The following HECW2 variants were observed in gnomAD, a reference collection of about 807,000 sequenced individuals.
HECW2 encodes the protein HECT, C2 and WW domain containing E3 ubiquitin protein ligase 2.
A neutral mutation model predicts 175.2 loss-of-function variants in HECW2; 61 were observed. The ratio of observed to expected loss-of-function variants is 0.35; its 90% confidence interval spans 0.28 to 0.43. The LOEUF (loss-of-function observed/expected upper bound fraction) is 0.43. Among genes scored for constraint, HECW2 ranks in the 20% least tolerant of loss-of-function variants. HECW2 has a pLI of 1.00. For synonymous variants in HECW2, 671 were observed against 731.0 expected, an observed-to-expected ratio of 0.92 and a Z score of 1.32; for missense variants, 1,524 against 2,000.5, an observed-to-expected ratio of 0.76 and a Z score of 4.54.
chr2:196,220,915 C>A lies in HECW2; in HGVS notation c.4173G>T (p.Gly1391=). The change falls in exon 25 of 29, where the codon GGG becomes GGT. Residue 1391 remains glycine, a synonymous_variant. Transcript: ENST00000644978. Reference sequence around the variant, plus strand: ...TCTCTGTAACTGGGATATTGGCACCCCCTGGCTTTAATTCTCGTTCAGTTA... The same window carrying A: ...TCTCTGTAACTGGGATATTGGCACCACCTGGCTTTAATTCTCGTTCAGTTA... ...GQITERELKP[G]GANIPVTEKN... is the part of the protein sequence containing the mutation. 1.2e-6 allele frequency: 2 copies of A among 1,614,058 alleles called. No homozygotes were observed. The highest frequency in any genetic ancestry group is 1.3e-5 in the African/African-American group (1 of 75,032).
At chr2:196,311,117 G>A (rs1191402224) in intron 10 of HECW2, among the ~76,000 whole-genome samples, 1 of 152,186 alleles carries the variant, frequency 6.6e-6, no homozygotes, top group African/African-American at 2.4e-5. Flanking sequence ...CAGCTCCAAT[G>A]TTATTGCTGT....
chr2:196,253,658 T>C (rs1688941590), intron 19 of HECW2, among the ~76,000 whole-genome samples: 2 of 152,246 alleles, frequency 1.3e-5, no homozygotes, highest in South Asian at 2.1e-4. Context: ...TGTCCTGATA[T>C]TGTATGATAT....
intron 1 of HECW2, among the ~76,000 whole-genome samples, chr2:196,568,319 T>C (rs1690252392): frequency 6.6e-6 from 1 of 152,170 alleles, no homozygotes; most frequent in Non-Finnish European, 1.5e-5. Flanking sequence ...GCAGCCAACT[T>C]AAAAACTCAA....
rs1271335050 is a variant in HECW2 at position 196,195,587 on chromosome 2, C to G, written c.*5690G>C. The G allele has an allele frequency of 3.9e-5, 6 of 152,196 alleles. No homozygotes were observed. The highest frequency in any genetic ancestry group is 1.4e-4 in the African/African-American group (6 of 41,434). The allele number at this position is 152,196 out of a possible 1,614,324, so 9.4% of individuals were successfully genotyped here. The stretch of plus-strand genomic sequence containing the variant: ...TTTAGTCTCCATTTGCAACCTCACT[C>G]TTAGGATTTCACTTTCCAGATTAAC... On this transcript the variant is annotated 3_prime_UTR_variant, in exon 29 of 29. Coordinates refer to ENST00000644978, the MANE Select transcript of HECW2 (RefSeq NM_001348768.2).
At chr2:196,498,796 C>A (rs1687481976) in intron 1 of HECW2, among the ~76,000 whole-genome samples, 2 of 152,130 alleles carry the variant, frequency 1.3e-5, no homozygotes, top group Non-Finnish European at 2.9e-5. Context: ...AGTCACATGG[C>A]CGGTGGTCAC....
At chr2:196,309,309 C>G (rs1227519451) in intron 10 of HECW2, among the ~76,000 whole-genome samples, 2 of 152,078 alleles carry the variant, frequency 1.3e-5, no homozygotes, top group Non-Finnish European at 2.9e-5. Context: ...TGACAAATGG[C>G]AAAAGAAAGA....
intron 1 of HECW2, among the ~76,000 whole-genome samples, chr2:196,586,923 C>T (rs1248520478): frequency 6.6e-6 from 1 of 152,094 alleles, no homozygotes; most frequent in Admixed American, 6.5e-5. Flanking sequence ...TGATAGTAAT[C>T]GCTCTTCCAC....
intron 2 of HECW2, among the ~76,000 whole-genome samples, chr2:196,395,004 A>G (rs1348790824): frequency 1.3e-5 from 2 of 152,174 alleles, no homozygotes; most frequent in Admixed American, 6.5e-5. Context: ...CCCACTTGGT[A>G]GAAGGGGCCA....
intron 20 of HECW2, among the ~76,000 whole-genome samples, chr2:196,241,246 G>A (rs902731543): frequency 2.0e-5 from 3 of 152,182 alleles, no homozygotes; most frequent in African/African-American, 7.2e-5. Flanking sequence ...CATGACAGCT[G>A]GATCATCCTA....
At chr2:196,478,877 G>C (rs1686748998) in intron 1 of HECW2, among the ~76,000 whole-genome samples, 1 of 152,084 alleles carries the variant, frequency 6.6e-6, no homozygotes, top group Non-Finnish European at 1.5e-5. Context: ...ATAGAAGAGG[G>C]GTCATCTTAC....
In HECW2 at chr2:196,384,731, A is replaced by C. The variant is rs146548907; in HGVS notation, c.293-40967T>G. On this transcript the variant is annotated intron_variant, in intron 2 of 28. Coordinates refer to ENST00000644978, the MANE Select transcript of HECW2 (RefSeq NM_001348768.2). ...ACATTCATTCATTATGACATCCTGA[A>C]TTAAGGTTACAAAAAACAGAAACAC... 2.0e-5 allele frequency among the ~76,000 whole-genome samples: 3 copies of C among 152,340 alleles called. No homozygotes were observed. In the East Asian group the frequency reaches 5.8e-4, roughly 29 times the overall value.
At chr2:196,526,211 G>A (rs370732635) in intron 1 of HECW2, among the ~76,000 whole-genome samples, 4 of 72,158 alleles carry the variant, frequency 5.5e-5, no homozygotes, top group South Asian at 5.5e-4. Flanking sequence ...TTCCCTTCTC[G>A]CTTCATTTCA....
At chr2:196,412,394 G>GA in intron 2 of HECW2, among the ~76,000 whole-genome samples, 1 of 152,310 alleles carries the variant, frequency 6.6e-6, no homozygotes, top group Middle Eastern at 3.4e-3. Flanking sequence ...CCTCTGTAAA[G>GA]ACGCTGTCTC....
intron 2 of HECW2, among the ~76,000 whole-genome samples, chr2:196,363,034 C>T (rs1693643503): frequency 6.6e-6 from 1 of 152,078 alleles, no homozygotes; most frequent in African/African-American, 2.4e-5. Flanking sequence ...ACACAGTTTG[C>T]CCTGAAGCTT....
At chr2:196,375,106 C>G (rs997081131) in intron 2 of HECW2, among the ~76,000 whole-genome samples, 1 of 150,174 alleles carries the variant, frequency 6.7e-6, no homozygotes, top group African/African-American at 2.5e-5. Context: ...TAGCAGTGAG[C>G]TGAGATCATG....
At chr2:196,253,016 T>A (rs559248456) in intron 19 of HECW2, among the ~76,000 whole-genome samples, 1 of 152,358 alleles carries the variant, frequency 6.6e-6, no homozygotes, top group South Asian at 2.1e-4. Flanking sequence ...ATCTCTGTAG[T>A]CCTAGAGTCT....
At chr2:196,376,045 T>A (rs1694042732) in intron 2 of HECW2, among the ~76,000 whole-genome samples, 1 of 152,204 alleles carries the variant, frequency 6.6e-6, no homozygotes, top group South Asian at 2.1e-4. Flanking sequence ...TTTATTAATC[T>A]CCATTTTCCT....
chr2:196,478,698 G>T (rs1274800905), intron 1 of HECW2, among the ~76,000 whole-genome samples: 1 of 151,970 alleles, frequency 6.6e-6, no homozygotes, highest in Non-Finnish European at 1.5e-5. Context: ...AAGCAATCCA[G>T]CCCTACAATG....
Position 196,448,980 on chromosome 2 carries a change from T to C in HECW2, c.-35-15522A>G, listed in dbSNP as rs144373621. On this transcript the variant is annotated intron_variant, in intron 1 of 28. Coordinates refer to ENST00000644978, the MANE Select transcript of HECW2 (RefSeq NM_001348768.2). ...TCCTTGAGTCAAAGTAAATCAAGCA[T>C]GTGAACACTTGTACTCAGGAATCCT... is the stretch of plus-strand genomic sequence containing the variant. Among the ~76,000 whole-genome samples the C allele has an allele frequency of 2.8e-3, 431 of 152,314 alleles. 2 individuals are homozygous for C. Among genetic ancestry groups the C allele is most frequent in the African/African-American group, 0.01 (417 of 41,570 alleles).
Sources: gnomAD v4.1 joint callset for allele counts (sites outside exome capture counted in the v4.1 genomes callset) on GRCh38, gnomAD v4.1.1 for gene constraint, MANE v1.5 for transcripts, NCBI Gene and HGNC (gene_info 2026-07-23, HGNC 2026-07-21) for gene names.